AKNA: variants seen among roughly 807,000 people sequenced by gnomAD.
AKNA encodes the protein AT-hook transcription factor, also known as microtubule organization protein AKNA.
Under a neutral mutation model 138.8 loss-of-function variants are expected in AKNA, and 67 were observed. The ratio of observed to expected loss-of-function variants is 0.48; its 90% CI spans 0.40 to 0.59. The LOEUF (loss-of-function observed/expected upper bound fraction) is 0.59. Ranked by LOEUF, AKNA falls within the 20% of genes least tolerant of loss-of-function variation. The probability of loss-of-function intolerance (pLI) is 0.00; values close to 1 mark genes in which losing one functional copy is unlikely to be tolerated. For synonymous variants in AKNA, 737 were observed against 754.4 expected (o/e 0.98, Z 0.38); for missense variants, 1,813 against 1,880.4 (o/e 0.96, Z 0.66).
intron 21 of AKNA, among the ~76,000 whole-genome samples, chr9:114,339,633 G>A (rs893278792): frequency 2.0e-5 from 3 of 152,154 alleles, no homozygotes; most frequent in African/African-American, 7.2e-5. Flanking sequence ...GGCTACCGTG[G>A]GGTCACCAAA....
At chr9:114,354,403 C>G (rs1831339507) in intron 14 of AKNA, among the ~76,000 whole-genome samples, 1 of 152,184 alleles carries the variant, frequency 6.6e-6, no homozygotes, top group Non-Finnish European at 1.5e-5. Context: ...GAAGGACTAC[C>G]TGAGGCTATT....
rs116791391 is a variant in AKNA, at chr9:114,338,032, A to T, written c.4068-726T>A. On this transcript the variant is annotated intron_variant, in intron 21 of 21. Transcript: ENST00000374088. ...TTCAAGGAAACCAGCAGTGGGCAAG[A>T]GGGGGTGTGGCCTCAGCACTGTTAA... 1.6e-3 allele frequency among the ~76,000 whole-genome samples: 241 copies of T among 152,260 alleles called. 2 individuals carry two copies. The highest frequency in any genetic ancestry group is 5.7e-3 in the African/African-American group (237 of 41,542).
upstream of AKNA, among the ~76,000 whole-genome samples, chr9:114,396,039 C>T (rs997823796): frequency 2.6e-5 from 4 of 152,084 alleles, no homozygotes; most frequent in African/African-American, 9.7e-5. Flanking sequence ...ACAATAACAC[C>T]CACTTCGACA....
rs1487310157 is a variant in AKNA, at chr9:114,346,596, T to C, written c.3514+73A>G. On this transcript the variant is annotated intron_variant, in intron 17 of 21. Coordinates refer to ENST00000374088, the MANE Select transcript of AKNA (RefSeq NM_001317950.2). ...CAAGTTTCCTTGAATACTGTTGCTG[T>C]GGTCCCTGACCACTGAGCCAACATG... is the stretch of plus-strand genomic sequence containing the variant. 5.9e-6 allele frequency: 7 copies of C among 1,194,240 alleles called. No individual in the cohort carries two copies. In the Admixed American group the frequency reaches 1.4e-4, roughly 24 times the overall value. The allele number at this position is 1,194,240 out of a possible 1,614,324, so 74.0% of individuals were successfully genotyped here.
In AKNA at chr9:114,368,444, G is replaced by T. The variant is rs758382590; in HGVS notation, c.1568C>A (p.Ala523Asp). ...AGCTCTTCTCCCGGACTCACCTGAG[G>T]CCGCAGAGGCCTGGGGGTCCTCGGC... ...GPAEDPQASA[A>D]SGWPSARGDL... The change falls in exon 5 of 22, where the codon GCC (alanine) becomes GAC (aspartate). Residue 523 changes from alanine (A) to aspartate (D), a missense_variant. Transcript: ENST00000374088. 1 of 1,319,594 alleles carries T rather than the reference G, an allele frequency of 7.6e-7. No individual in the cohort carries two copies. The highest frequency in any genetic ancestry group is 9.8e-7 in the Non-Finnish European group (1 of 1,025,390). The allele number at this position is 1,319,594 out of a possible 1,614,324, so 81.7% of individuals were successfully genotyped here.
rs367628653 is a variant in AKNA, at chr9:114,369,342, C to A, written c.1417-747G>T. Among the ~76,000 whole-genome samples, 33 of 152,312 alleles carry A rather than the reference C, an allele frequency of 2.2e-4. 3 individuals carry two copies. Among genetic ancestry groups the A allele is most frequent in the Admixed American group, 1.6e-3 (25 of 15,308 alleles). ...GAAGGTTTTATTGAACACAGCCATG[C>A]CTGTTTGTTTATGTGTTGTCTATGG... On this transcript the variant is annotated intron_variant, in intron 4 of 21. Transcript: ENST00000374088.
At chr9:114,362,852 G>A (rs1349919258) in intron 7 of AKNA, among the ~76,000 whole-genome samples, 1 of 152,028 alleles carries the variant, frequency 6.6e-6, no homozygotes, top group Non-Finnish European at 1.5e-5. Context: ...CTGTCACAGT[G>A]TCAAATACAC....
At chr9:114,357,776 G>A in intron 12 of AKNA, 145 bp downstream of exon 12, 2 of 1,327,196 alleles carry the variant, frequency 1.5e-6, no homozygotes, top group African/African-American at 1.5e-5. Context: ...AGTCCTGCAT[G>A]TCAGGTGGGA....
At chr9:114,330,742 T>C (rs1268011001), downstream of AKNA, 2 of 1,605,084 alleles carry the variant, frequency 1.2e-6, no homozygotes, top group African/African-American at 2.7e-5. Context: ...GATTGGCCAC[T>C]TCTCCTCGAT....
intron 6 of AKNA, among the ~76,000 whole-genome samples, chr9:114,366,692 A>T (rs1447107815): frequency 7.5e-6 from 1 of 134,228 alleles, no homozygotes; most frequent in African/African-American, 2.8e-5. Context: ...AGGGAAGAGG[A>T]GAGGAGGGGA....
intron 20 of AKNA, 77 bp downstream of exon 20, chr9:114,341,929 TTAA>T: frequency 2.1e-6 from 3 of 1,430,280 alleles, no homozygotes; most frequent in South Asian, 1.2e-5. Flanking sequence ...GCTGCTCCAG[TTAA>T]ACTCACCCAG....
At chr9:114,369,716 C>A (rs2787353) in intron 4 of AKNA, among the ~76,000 whole-genome samples, 1,957 of 152,176 alleles carry the variant, frequency 0.013, 38 homozygotes, top group African/African-American at 0.045. Flanking sequence ...AGCATCATCA[C>A]CACCACTGTC....
In AKNA at chr9:114,374,178, C is replaced by T. The variant is rs539393902; in HGVS notation, c.1342-11G>A. On this transcript the variant is annotated splice_polypyrimidine_tract_variant and intron_variant, in intron 3 of 21. Transcript: ENST00000374088. ...CCTGTGGTAGTCTTCCTGCAGAAAG[C>T]GGGAGCAACACGGTCACATGCGCAG... The T allele has an allele frequency of 2.8e-5, 43 of 1,554,148 alleles. No individual in the cohort carries two copies. In the South Asian group the frequency reaches 3.1e-4, roughly 11 times the overall value.
At position 114,341,538 on chromosome 9, in the gene AKNA, G is replaced by A. The variant is rs558717087; in HGVS notation, c.4062C>T (p.Ala1354=). The A allele has an allele frequency of 1.7e-5, 28 of 1,614,062 alleles. No homozygotes were observed. Among genetic ancestry groups the A allele is most frequent in the East Asian group, 4.5e-5 (2 of 44,868 alleles). The change falls in exon 21 of 22, where the codon GCC becomes GCT. Residue 1354 remains alanine, a synonymous_variant. Transcript: ENST00000374088. ...SSVPIMPYPP[A]AVYYAPAGPT... ...GTCAGAATGAAGGCTCTTACACAGC[G>A]GCAGGTGGATAAGGCATGATGGGAA...
Position 114,356,883 on chromosome 9 carries a change from C to T in AKNA, c.2826G>A (p.Glu942=). 6.4e-7 allele frequency: 1 copy of T among 1,562,876 alleles called. No homozygotes were observed. Among genetic ancestry groups the T allele is most frequent in the Non-Finnish European group, 8.6e-7 (1 of 1,160,716 alleles). Residue 942 remains glutamate (E), a synonymous_variant, in exon 13 of 22, where the codon GAG becomes GAA. Transcript: ENST00000374088. ...SRVSPLTQTP[E]HRLSHISTAG... The stretch of plus-strand genomic sequence containing the variant: ...GATACCTGATGTGGGAGAGCCGGTG[C>T]TCTGGAGTCTGGGTGAGGGGTGAAA...
In AKNA at chr9:114,358,014, G is replaced by C. The variant is rs757112200; in HGVS notation, c.2646C>G (p.Ser882=). 1 of 1,609,998 alleles carries C rather than the reference G, an allele frequency of 6.2e-7. No homozygotes were observed. The highest frequency in any genetic ancestry group is 1.1e-5 in the South Asian group (1 of 90,862). The change falls in exon 12 of 22, where the codon TCC becomes TCG. Residue 882 remains serine (S), a synonymous_variant. Transcript: ENST00000374088. The part of the protein sequence containing the change: ...PHPPGTKSAA[S]HQSSMTSLEG... The stretch of plus-strand genomic sequence containing the variant: ...CCAGGCTGGTCATACTACTTTGGTG[G>C]GATGCTGCGGACTTGGTGCCTGGAG...
chr9:114,396,476 C>T (rs967667789), upstream of AKNA, among the ~76,000 whole-genome samples: 6 of 151,992 alleles, frequency 3.9e-5, no homozygotes, highest in Non-Finnish European at 2.9e-5. Context: ...GTCAGGAAAT[C>T]GAGACCATCC....
chr9:114,350,935 C>CG lies in AKNA; in HGVS notation c.3144dup (p.Ala1049ArgfsTer31), dbSNP rs779646595. ...CAGGGTAGAGGCGCAGCGGCAGGGG[C>CG]GGGGGCTGGGGGTGGGCTGATTGTC... On this transcript the variant is annotated frameshift_variant, in exon 15 of 22. Coordinates refer to ENST00000374088, the MANE Select transcript of AKNA (RefSeq NM_001317950.2). LOFTEE classifies it high-confidence loss of function. 1.2e-6 allele frequency: 1 copy of CG among 806,048 alleles called. No homozygotes were observed. The highest frequency in any genetic ancestry group is 2.0e-6 in the Non-Finnish European group (1 of 509,016). 49.9% of individuals were successfully genotyped at this position (806,048 alleles called of 1,614,324 possible).
At chr9:114,342,883 AATGC>A (rs911286400) in intron 19 of AKNA, among the ~76,000 whole-genome samples, 120 of 151,334 alleles carry the variant, frequency 7.9e-4, no homozygotes, top group Non-Finnish European at 1.3e-3. Context: ...TGAATGAATG[AATGC>A]ATGCAGGCAT....
Sources: allele counts gnomAD v4.1 joint callset (sites outside exome capture counted in the v4.1 genomes callset), GRCh38; gene constraint gnomAD v4.1.1; transcripts MANE v1.5; gene names NCBI Gene and HGNC (gene_info 2026-07-23, HGNC 2026-07-21).